CNTNAP4: variants seen among roughly 807,000 people sequenced by gnomAD.
CNTNAP4 encodes the protein contactin-associated protein-like 4.
Under a neutral mutation model 148.4 loss-of-function variants are expected in CNTNAP4, and 98 were observed. That is an observed-to-expected ratio of 0.66 (90% CI 0.56 to 0.78). The LOEUF (loss-of-function observed/expected upper bound fraction) is 0.78. CNTNAP4 is among the 30% of genes least tolerant of loss of function. The pLI is 0.00. For synonymous variants in CNTNAP4, 730 were observed against 565.1 expected (o/e 1.29, Z -4.14); for missense variants, 1,935 against 1,565.6 (o/e 1.24, Z -3.98).
intron 3 of CNTNAP4, among the ~76,000 whole-genome samples, chr16:76,400,092 A>G (rs201235885): frequency 1.3e-5 from 2 of 152,190 alleles, no homozygotes; most frequent in East Asian, 3.9e-4. Context: ...ACAGCCCCAT[A>G]GAGAGTAAAC....
rs76327478 is a variant in CNTNAP4 at position 76,427,577 on chromosome 16, C to T, written c.516C>T (p.Ile172=). ...CCAAGGGCAGAATTGGAATGCGAAT[C>T]GAAGTGTTCGGATGTGCATACAGTA... ...WNPKGRIGMR[I]EVFGCAYRSE... is the part of the protein sequence containing the mutation. Residue 172 remains isoleucine (I), a synonymous_variant, in exon 4 of 24, where the codon ATC becomes ATT. Transcript: ENST00000611870. The T allele has an allele frequency of 2.0e-3, 3,203 of 1,612,022 alleles. 73 individuals carry two copies. In the East Asian group the frequency reaches 0.052, roughly 26 times the overall value.
At chr16:76,403,543 G>A (rs114280565) in intron 3 of CNTNAP4, among the ~76,000 whole-genome samples, 6,295 of 152,154 alleles carry the variant, frequency 0.041, 455 homozygotes, top group African/African-American at 0.15. Context: ...AAGTTAAAAA[G>A]TAACAGATGA....
Position 76,452,675 on chromosome 16 carries a change from G to C in CNTNAP4, c.1239G>C (p.Gln413His), listed in dbSNP as rs555904247. The C allele has an allele frequency of 3.3e-5, 53 of 1,613,806 alleles. No homozygotes were observed. In the East Asian group the frequency reaches 1.1e-3, roughly 33 times the overall value. ...KAGLLLFSELQLISGGILLFL... is the reference protein window; with the variant it reads ...KAGLLLFSELHLISGGILLFL... ...GGCTTCTGCTGTTCAGTGAACTTCA[G>C]CTGATTTCAGGGGGTATCCTCCTCT... The change falls in exon 8 of 24, where the codon CAG (glutamine) becomes CAC (histidine). Residue 413 changes from glutamine (Q) to histidine (H), a missense_variant. By Grantham distance (24) the Gln-to-His change is conservative (BLOSUM62 0). Transcript: ENST00000611870.
chr16:76,449,707 T>C lies in CNTNAP4; in HGVS notation c.928-8T>C. 6.5e-7 allele frequency: 1 copy of C among 1,550,302 alleles called. No homozygotes were observed. The highest frequency in any genetic ancestry group is 8.7e-7 in the Non-Finnish European group (1 of 1,150,990). On this transcript the variant is annotated splice_polypyrimidine_tract_variant and splice_region_variant and intron_variant, in intron 6 of 23. Transcript: ENST00000611870. ...AACAATATTATTGATGCCATTTTTCTTTCTAAGATCAGCTTTGGAGGGATT... is the reference window on the plus strand; with the variant it reads ...AACAATATTATTGATGCCATTTTTCCTTCTAAGATCAGCTTTGGAGGGATT...
At chr16:76,517,332 T>G (rs1278338201) in intron 15 of CNTNAP4, among the ~76,000 whole-genome samples, 1 of 152,188 alleles carries the variant, frequency 6.6e-6, no homozygotes, top group East Asian at 1.9e-4. Context: ...GCTATTGTTT[T>G]GTAAGGTATG....
intron 1 of CNTNAP4, among the ~76,000 whole-genome samples, chr16:76,290,126 C>T (rs978892885): frequency 2.0e-5 from 3 of 152,134 alleles, no homozygotes; most frequent in Non-Finnish European, 2.9e-5. Flanking sequence ...TATTCTCACA[C>T]AGGCCTGTGA....
At chr16:76,297,529 A>T (rs1053186517) in intron 1 of CNTNAP4, among the ~76,000 whole-genome samples, 2 of 152,192 alleles carry the variant, frequency 1.3e-5, no homozygotes, top group African/African-American at 4.8e-5. Context: ...GAGGAAGAAG[A>T]TAATTTTATT....
intron 4 of CNTNAP4, among the ~76,000 whole-genome samples, chr16:76,439,844 C>A (rs1333440168): frequency 6.6e-6 from 1 of 152,030 alleles, no homozygotes; most frequent in Non-Finnish European, 1.5e-5. Flanking sequence ...TGCTACCATG[C>A]AAAAATAGTA....
Position 76,355,523 on chromosome 16 carries a change from A to G in CNTNAP4, c.390+12A>G. The G allele has an allele frequency of 6.3e-7, 1 of 1,575,120 alleles. No individual in the cohort carries two copies. The highest frequency in any genetic ancestry group is 2.3e-5 in the East Asian group (1 of 43,502). On this transcript the variant is annotated intron_variant, in intron 3 of 23. Transcript: ENST00000611870. Reference sequence around the variant, plus strand: ...AGGACAGCATCTGGGTATGTTCTTTAACAAAAGACATAGTCTCTCGGGGAA... The same window carrying G: ...AGGACAGCATCTGGGTATGTTCTTTGACAAAAGACATAGTCTCTCGGGGAA...
Position 76,483,231 on chromosome 16 carries a change from AACACACACACACACAC to A in CNTNAP4, c.1882+3725_1882+3740del, listed in dbSNP as rs59206208. Among the ~76,000 whole-genome samples the A allele has an allele frequency of 7.9e-3, 1,106 of 140,106 alleles. 14 individuals are homozygous for A. Among genetic ancestry groups the A allele is most frequent in the African/African-American group, 0.027 (1,056 of 38,428 alleles). The allele number at this position is 140,106 out of a possible 152,430, so 91.9% of individuals were successfully genotyped here. ...ATCTCTAGTCTTTGAAGTTTTAAGA[AACACACACACACACAC>A]ACACACACACACACACACACACACA... On this transcript the variant is annotated intron_variant, in intron 12 of 23. Transcript: ENST00000611870.
At chr16:76,316,212 T>G in intron 1 of CNTNAP4, 1 of 604,764 alleles carries the variant, frequency 1.7e-6, no homozygotes, top group Non-Finnish European at 2.9e-6. Flanking sequence ...AGTATTTTCA[T>G]ATTCTCCTGT....
At chr16:76,403,418 A>G (rs2078489772) in intron 3 of CNTNAP4, among the ~76,000 whole-genome samples, 1 of 152,208 alleles carries the variant, frequency 6.6e-6, no homozygotes, top group Admixed American at 6.5e-5. Context: ...AAGAAGTCGT[A>G]TATATGGCTA....
intron 3 of CNTNAP4, among the ~76,000 whole-genome samples, chr16:76,389,950 CAGT>C (rs1438058011): frequency 2.0e-5 from 3 of 152,094 alleles, no homozygotes; most frequent in Non-Finnish European, 4.4e-5. Flanking sequence ...CAAGAAATAA[CAGT>C]AGGAGGGGAG....
intron 21 of CNTNAP4, among the ~76,000 whole-genome samples, chr16:76,550,372 C>A (rs1454244419): frequency 1.3e-5 from 2 of 152,032 alleles, no homozygotes; most frequent in African/African-American, 4.8e-5. Flanking sequence ...ATTAACTGAC[C>A]ATGTGTCCAT....
At chr16:76,485,477 T>G (rs1454863859) in intron 12 of CNTNAP4, among the ~76,000 whole-genome samples, 1 of 152,232 alleles carries the variant, frequency 6.6e-6, no homozygotes, top group African/African-American at 2.4e-5. Flanking sequence ...TTATCAAATA[T>G]TGCACTGTAA....
At chr16:76,345,099 T>C (rs1259734279) in intron 2 of CNTNAP4, among the ~76,000 whole-genome samples, 1 of 152,220 alleles carries the variant, frequency 6.6e-6, no homozygotes, top group East Asian at 1.9e-4. Flanking sequence ...AAAGACACCT[T>C]TTACTGACTG....
intron 14 of CNTNAP4, 127 bp from the exon 15 acceptor site, chr16:76,498,440 G>A: frequency 1.7e-6 from 1 of 598,132 alleles, no homozygotes; most frequent in Non-Finnish European, 2.9e-6. Flanking sequence ...GTTTTTATGT[G>A]CTCCGATGAG....
intron 4 of CNTNAP4, among the ~76,000 whole-genome samples, chr16:76,431,455 G>T (rs1271463021): frequency 2.6e-5 from 4 of 152,138 alleles, no homozygotes; most frequent in African/African-American, 2.4e-5. Context: ...GGAGGTGGGG[G>T]GTTACCTGAG....
At chr16:76,343,954 C>A (rs1175337232) in intron 2 of CNTNAP4, among the ~76,000 whole-genome samples, 2 of 152,046 alleles carry the variant, frequency 1.3e-5, no homozygotes, top group East Asian at 3.9e-4. Flanking sequence ...AGGCCAGGAG[C>A]CAGATGGAAC....
Sources: allele counts gnomAD v4.1 joint callset (sites outside exome capture counted in the v4.1 genomes callset), GRCh38; gene constraint gnomAD v4.1.1; transcripts MANE v1.5; gene names NCBI Gene and HGNC (gene_info 2026-07-23, HGNC 2026-07-21).